PPP3R1: variants seen among roughly 807,000 people sequenced by gnomAD.
PPP3R1 encodes the protein calcineurin subunit B type 1.
In PPP3R1, 5 loss-of-function variants were observed where a neutral mutation model predicts 22.6. The ratio of observed to expected loss-of-function variants is 0.22; its 90% CI spans 0.12 to 0.46. PPP3R1 has a LOEUF of 0.46. PPP3R1 is among the 20% of genes least tolerant of loss of function. PPP3R1 has a pLI of 0.99. For missense variants in PPP3R1, 61 were observed against 203.2 expected (o/e 0.30, Z 4.25); for synonymous variants, 56 against 65.2 (o/e 0.86, Z 0.68).
chr2:68,216,659 G>A (rs1558636629), intron 2 of PPP3R1, among the ~76,000 whole-genome samples: 1 of 152,042 alleles, frequency 6.6e-6, no homozygotes, highest in Non-Finnish European at 1.5e-5. Flanking sequence ...AAGCACTGCC[G>A]ACAGGTCCTT....
intron 1 of PPP3R1, among the ~76,000 whole-genome samples, chr2:68,222,637 T>C (rs1669704822): frequency 6.6e-6 from 1 of 152,198 alleles, no homozygotes; most frequent in African/African-American, 2.4e-5. Flanking sequence ...CCATCAGTTC[T>C]TCAGCTCTCA....
chr2:68,243,890 G>T (rs1317369535), intron 1 of PPP3R1, among the ~76,000 whole-genome samples: 1 of 151,682 alleles, frequency 6.6e-6, no homozygotes, highest in Non-Finnish European at 1.5e-5. Flanking sequence ...AAATCCATAT[G>T]TTGCCACAGG....
At chr2:68,200,583 G>A (rs1370479643) in intron 2 of PPP3R1, among the ~76,000 whole-genome samples, 2 of 152,196 alleles carry the variant, frequency 1.3e-5, no homozygotes. Flanking sequence ...AAGGAGTGAG[G>A]TAAGCTGCTC....
chr2:68,231,293 T>C (rs1669892698), intron 1 of PPP3R1, among the ~76,000 whole-genome samples: 1 of 151,886 alleles, frequency 6.6e-6, no homozygotes, highest in African/African-American at 2.4e-5. Flanking sequence ...TATTGTTTAT[T>C]ATATTTTTCA....
intron 2 of PPP3R1, among the ~76,000 whole-genome samples, chr2:68,197,281 G>A (rs909690026): frequency 4.6e-5 from 7 of 151,984 alleles, no homozygotes; most frequent in Non-Finnish European, 1.0e-4. Flanking sequence ...ATGTCTACAG[G>A]ATCATACAGT....
At chr2:68,219,279 C>T (rs1035823388) in intron 1 of PPP3R1, among the ~76,000 whole-genome samples, 1 of 152,126 alleles carries the variant, frequency 6.6e-6, no homozygotes, top group African/African-American at 2.4e-5. Flanking sequence ...CATAGTCTAC[C>T]TTCCATTTAA....
intron 1 of PPP3R1, among the ~76,000 whole-genome samples, chr2:68,239,970 G>T (rs1263552012): frequency 6.6e-6 from 1 of 152,180 alleles, no homozygotes; most frequent in Non-Finnish European, 1.5e-5. Flanking sequence ...AATAAATTAT[G>T]TAAGTATTAC....
Position 68,181,025 on chromosome 2 carries a change from A to G in PPP3R1, c.466-15T>C. The G allele has an allele frequency of 1.9e-6, 3 of 1,610,888 alleles. No individual in the cohort carries two copies. The highest frequency in any genetic ancestry group is 2.5e-6 in the Non-Finnish European group (3 of 1,177,116). Reference sequence around the variant, plus strand: ...CCACCTACAACCTGCAACAGACAGGAACAAATCAAGCTTCACAGTGTCTGA... The same window carrying G: ...CCACCTACAACCTGCAACAGACAGGGACAAATCAAGCTTCACAGTGTCTGA... On this transcript the variant is annotated splice_polypyrimidine_tract_variant and intron_variant, in intron 5 of 5. Transcript: ENST00000234310.
At chr2:68,198,357 A>G (rs1011289102) in intron 2 of PPP3R1, among the ~76,000 whole-genome samples, 3 of 63,446 alleles carry the variant, frequency 4.7e-5, no homozygotes, top group Non-Finnish European at 8.7e-5. Flanking sequence ...ATATGCATAT[A>G]TATGTACATA....
intron 2 of PPP3R1, among the ~76,000 whole-genome samples, chr2:68,198,280 T>C (rs1216731367): frequency 1.4e-5 from 2 of 145,664 alleles, no homozygotes; most frequent in African/African-American, 5.1e-5. Flanking sequence ...TGTGTATGCA[T>C]GTATGTGTAT....
intron 1 of PPP3R1, among the ~76,000 whole-genome samples, chr2:68,224,577 T>A (rs981930184): frequency 6.6e-6 from 1 of 150,668 alleles, no homozygotes; most frequent in Admixed American, 6.6e-5. Flanking sequence ...GGCAGGAGAA[T>A]CACTTGAACC....
intron 2 of PPP3R1, among the ~76,000 whole-genome samples, chr2:68,216,234 C>T (rs186672908): frequency 4.6e-5 from 7 of 152,110 alleles, no homozygotes; most frequent in Admixed American, 2.0e-4. Context: ...TTAATACATG[C>T]AAATTAATTC....
At chr2:68,190,227 A>G (rs1674632800) in intron 2 of PPP3R1, among the ~76,000 whole-genome samples, 1 of 137,854 alleles carries the variant, frequency 7.3e-6, no homozygotes, top group South Asian at 2.4e-4. Flanking sequence ...GGGATTTTTC[A>G]CAGTAAAGGA....
chr2:68,232,265 G>GTA lies in PPP3R1; in HGVS notation c.4-15136_4-15135dup, dbSNP rs10545203. Among the ~76,000 whole-genome samples, 223 of 25,362 alleles carry GTA rather than the reference G, an allele frequency of 8.8e-3. 1 individual carries two copies. The highest frequency in any genetic ancestry group is 0.021 in the Middle Eastern group (1 of 48). The allele number at this position is 25,362 out of a possible 152,430, so 16.6% of individuals were successfully genotyped here. On this transcript the variant is annotated intron_variant, in intron 1 of 5. Coordinates refer to ENST00000234310, the MANE Select transcript of PPP3R1 (RefSeq NM_000945.4). ...TGTGTGTGTGTGTGTGTGTGTGTGT[G>GTA]TATATATATATACACACACACAAAA...
intron 2 of PPP3R1, among the ~76,000 whole-genome samples, chr2:68,205,729 T>C (rs991218629): frequency 1.3e-5 from 2 of 152,188 alleles, no homozygotes; most frequent in Admixed American, 6.5e-5. Flanking sequence ...ATGACCTTGA[T>C]AGCAGTGTCC....
At chr2:68,211,406 CAAAAAAA>C (rs3979551) in intron 2 of PPP3R1, among the ~76,000 whole-genome samples, 2 of 77,412 alleles carry the variant, frequency 2.6e-5, no homozygotes, top group Non-Finnish European at 4.6e-5. Flanking sequence ...GACTCTGTCT[CAAAAAAA>C]AAAAAAAAAA....
Position 68,207,103 on chromosome 2 carries a change from A to G in PPP3R1, c.43+9989T>C, listed in dbSNP as rs193121633. On this transcript the variant is annotated intron_variant, in intron 2 of 5. Transcript: ENST00000234310. ...CTTCCAATAGTAAAGAGGTTTTGGG[A>G]AAAAAAAAAGCAAAAAAAAAAAATT... is the stretch of plus-strand genomic sequence containing the variant. 8.4e-4 allele frequency among the ~76,000 whole-genome samples: 57 copies of G among 67,718 alleles called. 1 individual carries two copies. Among genetic ancestry groups the G allele is most frequent in the Middle Eastern group, 8.5e-3 (1 of 118 alleles). 44.4% of individuals were successfully genotyped at this position (67,718 alleles called of 152,430 possible).
chr2:68,198,061 G>GC (rs1460690560), intron 2 of PPP3R1, among the ~76,000 whole-genome samples: 1 of 9,964 alleles, frequency 1.0e-4, no homozygotes, highest in East Asian at 3.8e-3. Context: ...GGCACCTTTG[G>GC]CAAAAAAAAA....
rs919884877 is a variant in PPP3R1, at chr2:68,209,166, G to A, written c.43+7926C>T. Among the ~76,000 whole-genome samples the A allele has an allele frequency of 1.6e-4, 24 of 149,446 alleles. No homozygotes were observed. In the East Asian group the frequency reaches 1.8e-3, roughly 11 times the overall value. ...GAGGTCAGGAGATCGAGAACATCCCGGCTAAAACGGTGAAACCCCGTCTCT... is the reference window on the plus strand; with the variant it reads ...GAGGTCAGGAGATCGAGAACATCCCAGCTAAAACGGTGAAACCCCGTCTCT... On this transcript the variant is annotated intron_variant, in intron 2 of 5. Coordinates refer to ENST00000234310, the MANE Select transcript of PPP3R1 (RefSeq NM_000945.4).
Sources: gnomAD v4.1 joint callset for allele counts (sites outside exome capture counted in the v4.1 genomes callset) on GRCh38, gnomAD v4.1.1 for gene constraint, MANE v1.5 for transcripts, NCBI Gene and HGNC (gene_info 2026-07-23, HGNC 2026-07-21) for gene names.